Variants in CPNE4 observed in about 807,000 individuals in gnomAD.
The protein encoded by CPNE4 is copine 4.
In CPNE4, 25 loss-of-function variants were observed where a neutral mutation model predicts 67.9. The ratio of observed to expected loss-of-function variants is 0.37; its 90% CI spans 0.27 to 0.51. The LOEUF (loss-of-function observed/expected upper bound fraction) is 0.51, where lower values mean the gene tolerates loss of function less well. Among genes scored for constraint, CPNE4 ranks in the 20% least tolerant of loss-of-function variants. The pLI, the probability that CPNE4 is intolerant of heterozygous loss-of-function variation, is 0.93. For synonymous variants in CPNE4, 242 were observed against 244.9 expected (o/e 0.99, Z 0.11); for missense variants, 464 against 690.8 (o/e 0.67, Z 3.68).
intron 1 of CPNE4, among the ~76,000 whole-genome samples, chr3:131,932,220 C>T (rs1255421936): frequency 6.6e-6 from 1 of 152,200 alleles, no homozygotes; most frequent in Non-Finnish European, 1.5e-5. Flanking sequence ...TGAAAGGCCT[C>T]ATTACCATAA....
At chr3:131,812,515 T>C (rs550171823) in intron 2 of CPNE4, among the ~76,000 whole-genome samples, 4 of 152,152 alleles carry the variant, frequency 2.6e-5, no homozygotes, top group African/African-American at 9.7e-5. Flanking sequence ...CCTCTTCAAA[T>C]AAAAACAAAA....
intron 7 of CPNE4, among the ~76,000 whole-genome samples, chr3:131,631,455 G>A (rs571591300): frequency 1.2e-4 from 19 of 152,064 alleles, no homozygotes; most frequent in Non-Finnish European, 2.2e-4. Flanking sequence ...GTTTCAAACC[G>A]AAAAAAGACT....
chr3:131,624,166 T>G (rs1940618037), intron 7 of CPNE4, among the ~76,000 whole-genome samples: 1 of 152,236 alleles, frequency 6.6e-6, no homozygotes, highest in Non-Finnish European at 1.5e-5. Flanking sequence ...ACCTGGGTTT[T>G]CTGAGTCTGA....
intron 1 of CPNE4, among the ~76,000 whole-genome samples, chr3:131,963,667 G>T (rs889696307): frequency 1.3e-5 from 2 of 152,192 alleles, no homozygotes; most frequent in Admixed American, 6.5e-5. Context: ...AGCGGCTGTG[G>T]CCAGGCTGCC....
In CPNE4 at chr3:131,952,441, G is replaced by A. The variant is rs1421188875; in HGVS notation, c.-1-46997C>T. Among the ~76,000 whole-genome samples, 7 of 142,090 alleles carry A rather than the reference G, an allele frequency of 4.9e-5. No individual in the cohort carries two copies. The South Asian group carries it at 1.1e-3, about 23-fold the overall frequency. The allele number at this position is 142,090 out of a possible 152,430, so 93.2% of individuals were successfully genotyped here. On this transcript the variant is annotated intron_variant, in intron 1 of 15. Transcript: ENST00000429747. ...CATCTGGGAAGTGAGGAGCGTCTCC[G>A]CCCAGCAGCCACCCCGTCCGGGAGG... is the stretch of plus-strand genomic sequence containing the variant.
At chr3:131,868,461 C>A (rs892295931) in intron 2 of CPNE4, among the ~76,000 whole-genome samples, 3 of 152,134 alleles carry the variant, frequency 2.0e-5, no homozygotes, top group East Asian at 1.9e-4. Flanking sequence ...GGATAAAGAA[C>A]CTTGATTCCT....
chr3:131,835,503 T>C (rs982799658), intron 2 of CPNE4, among the ~76,000 whole-genome samples: 1 of 151,704 alleles, frequency 6.6e-6, no homozygotes, highest in Non-Finnish European at 1.5e-5. Flanking sequence ...CACTCCAGCC[T>C]GGGCAACAGA....
chr3:131,685,587 G>A (rs1418989478), intron 6 of CPNE4, among the ~76,000 whole-genome samples: 1 of 152,074 alleles, frequency 6.6e-6, no homozygotes, highest in Non-Finnish European at 1.5e-5. Context: ...TTCAAGACCA[G>A]CCTGGCCAAG....
Position 131,959,114 on chromosome 3 carries a change from T to C in CPNE4, c.-1-53670A>G, listed in dbSNP as rs61793589. ...CTCCCGGGTTCACGCCATTCTCCTG[T>C]CTCAGCCTCCCAAGTAGCTGGGACT... On this transcript the variant is annotated intron_variant, in intron 1 of 15. Transcript: ENST00000429747. 3.2e-4 allele frequency among the ~76,000 whole-genome samples: 14 copies of C among 44,396 alleles called. 2 individuals are homozygous for C. The highest frequency in any genetic ancestry group is 2.5e-3 in the East Asian group (3 of 1,190). 29.1% of individuals were successfully genotyped at this position (44,396 alleles called of 152,430 possible).
chr3:131,968,283 A>G (rs1376596559), intron 1 of CPNE4, among the ~76,000 whole-genome samples: 1 of 152,242 alleles, frequency 6.6e-6, no homozygotes, highest in African/African-American at 2.4e-5. Flanking sequence ...ACTACCATTC[A>G]AGACATAGGC....
chr3:131,974,116 A>C (rs546137828), intron 1 of CPNE4, among the ~76,000 whole-genome samples: 1 of 152,328 alleles, frequency 6.6e-6, no homozygotes, highest in South Asian at 2.1e-4. Flanking sequence ...AATCTGTCCT[A>C]CCAGAGACTT....
intron 1 of CPNE4, among the ~76,000 whole-genome samples, chr3:132,028,879 GA>G (rs139687203): frequency 0.012 from 1,872 of 150,172 alleles, 32 homozygotes; most frequent in African/African-American, 0.041. Flanking sequence ...TCGATTACAT[GA>G]TTTTTTAAAA....
chr3:131,619,297 C>T (rs1011305617), intron 7 of CPNE4, among the ~76,000 whole-genome samples: 1 of 152,118 alleles, frequency 6.6e-6, no homozygotes, highest in East Asian at 1.9e-4. Flanking sequence ...TGTAATTACA[C>T]GATGAAGCTG....
chr3:131,806,553 A>T (rs1443727203), intron 2 of CPNE4, among the ~76,000 whole-genome samples: 4 of 151,268 alleles, frequency 2.6e-5, no homozygotes, highest in Admixed American at 6.6e-5. Flanking sequence ...CCGTCTCAAA[A>T]AAAAAAAAAA....
chr3:131,797,161 T>A (rs2083939864), intron 2 of CPNE4, among the ~76,000 whole-genome samples: 1 of 152,200 alleles, frequency 6.6e-6, no homozygotes, highest in South Asian at 2.1e-4. Flanking sequence ...CTTGGCGTTT[T>A]TTATTTGTCA....
At chr3:131,680,659 G>A (rs540587645) in intron 6 of CPNE4, among the ~76,000 whole-genome samples, 1 of 152,156 alleles carries the variant, frequency 6.6e-6, no homozygotes, top group East Asian at 1.9e-4. Flanking sequence ...CCACAGAAAT[G>A]TATTTTATTT....
intron 6 of CPNE4, among the ~76,000 whole-genome samples, chr3:131,673,549 C>T (rs1273915013): frequency 1.3e-5 from 2 of 151,832 alleles, no homozygotes; most frequent in African/African-American, 2.4e-5. Context: ...AGATCTTTCA[C>T]TTTTTTGGTA....
At chr3:131,757,143 G>A (rs1187111412) in intron 2 of CPNE4, among the ~76,000 whole-genome samples, 3 of 152,222 alleles carry the variant, frequency 2.0e-5, no homozygotes, top group African/African-American at 7.2e-5. Flanking sequence ...AAAGATACCT[G>A]AAAATGTGGA....
rs778446977 is a variant in CPNE4 at position 131,696,587 on chromosome 3, G to A, written c.462C>T (p.Asp154=). ...TVIAEELSGN[D]DYVELAFNAR... is the part of the protein sequence containing the mutation. ...CATTGAATGCAAGCTCAACATAGTC[G>A]TCATTGCCAGATAATTCTTCAGCAA... is the stretch of plus-strand genomic sequence containing the variant. Residue 154 remains aspartate (D), a synonymous_variant, in exon 5 of 16, where the codon GAC becomes GAT. Coordinates refer to ENST00000429747, the MANE Select transcript of CPNE4 (RefSeq NM_130808.3). 7.4e-6 allele frequency: 12 copies of A among 1,613,828 alleles called. No homozygotes were observed. The highest frequency in any genetic ancestry group is 4.5e-5 in the East Asian group (2 of 44,870).
Sources: gnomAD v4.1 joint callset for allele counts (sites outside exome capture counted in the v4.1 genomes callset) on GRCh38, gnomAD v4.1.1 for gene constraint, MANE v1.5 for transcripts, NCBI Gene and HGNC (gene_info 2026-07-23, HGNC 2026-07-21) for gene names.